The following LDLRAD2 variants were observed in gnomAD, a reference collection of about 807,000 sequenced individuals.
LDLRAD2 encodes low-density lipoprotein receptor class A domain-containing protein 2.
Under a neutral mutation model 24.9 loss-of-function variants are expected in LDLRAD2, and 25 were observed. That is an observed-to-expected ratio of 1.00 (90% confidence interval 0.73 to 1.40). The LOEUF (loss-of-function observed/expected upper bound fraction) is 1.40, where lower values mean the gene tolerates loss of function less well. LDLRAD2 is among the 40% of genes most tolerant of loss of function. The pLI is 0.00. For synonymous variants in LDLRAD2, 182 were observed against 166.7 expected (o/e 1.09, Z -0.71); for missense variants, 391 against 366.2 (o/e 1.07, Z -0.55).
intron 1 of LDLRAD2, among the ~76,000 whole-genome samples, chr1:21,813,093 A>C (rs2097940174): frequency 6.6e-6 from 1 of 152,156 alleles, no homozygotes; most frequent in Admixed American, 6.5e-5. Context: ...TCACGAGATC[A>C]AGACCATCCT....
Position 21,812,551 on chromosome 1 carries a change from G to T in LDLRAD2, c.85+15G>T. On this transcript the variant is annotated intron_variant, in intron 1 of 4. Transcript: ENST00000344642. ...TTTGGAGACAGGTAAGTATCAGGGG[G>T]CTTGGTTGGGGCACCCAGAAGACTT... The T allele has an allele frequency of 1.2e-6, 2 of 1,611,902 alleles. No individual in the cohort carries two copies. Among genetic ancestry groups the T allele is most frequent in the Non-Finnish European group, 1.7e-6 (2 of 1,178,188 alleles).
chr1:21,818,916 C>T (rs1305426046), intron 3 of LDLRAD2, among the ~76,000 whole-genome samples: 2 of 137,632 alleles, frequency 1.5e-5, no homozygotes, highest in African/African-American at 2.7e-5. Context: ...CCTGCCCCAC[C>T]CCCTCCCTGG....
Position 21,823,503 on chromosome 1 carries a change from G to A in LDLRAD2, c.*1288G>A. 1 of 1,606,630 alleles carries A rather than the reference G, an allele frequency of 6.2e-7. No individual in the cohort carries two copies. The highest frequency in any genetic ancestry group is 2.2e-5 in the East Asian group (1 of 44,784). On this transcript the variant is annotated 3_prime_UTR_variant, in exon 5 of 5. Transcript: ENST00000344642. ...AGGGGCTCCGCCTGCCGGGAGGTGA[G>A]AGGACAGGGCCTGTGGGCTCCAGCA...
chr1:21,821,202 T>G (rs540895901), intron 3 of LDLRAD2, among the ~76,000 whole-genome samples: 2 of 152,212 alleles, frequency 1.3e-5, no homozygotes, highest in East Asian at 3.9e-4. Flanking sequence ...GCCTCAATGC[T>G]CAGTACATGT....
At chr1:21,816,933 C>A (rs1283236257) in intron 3 of LDLRAD2, among the ~76,000 whole-genome samples, 1 of 152,158 alleles carries the variant, frequency 6.6e-6, no homozygotes, top group African/African-American at 2.4e-5. Flanking sequence ...CACATAACCT[C>A]CTCCCTGCTC....
chr1:21,818,571 C>T (rs2097946732), intron 3 of LDLRAD2, among the ~76,000 whole-genome samples: 1 of 152,152 alleles, frequency 6.6e-6, no homozygotes, highest in African/African-American at 2.4e-5. Context: ...TGGTGTTGGA[C>T]GGTGGTTGAC....
At chr1:21,816,335 A>T (rs1421440282) in intron 3 of LDLRAD2, among the ~76,000 whole-genome samples, 1 of 152,208 alleles carries the variant, frequency 6.6e-6, no homozygotes, top group Non-Finnish European at 1.5e-5. Flanking sequence ...GGCCCAAGAC[A>T]TTCAAAGGAG....
chr1:21,814,679 C>T lies in LDLRAD2; in HGVS notation c.367C>T (p.Pro123Ser). The T allele has an allele frequency of 1.3e-6, 2 of 1,579,048 alleles. No homozygotes were observed. The highest frequency in any genetic ancestry group is 1.7e-6 in the Non-Finnish European group (2 of 1,163,722). Residue 123 changes from proline to serine, a missense_variant, in exon 2 of 5, where the codon CCC becomes TCC. Transcript: ENST00000344642. ...LQFYEGPPGAPRPLGSPLCGL... is the reference protein window; with the variant it reads ...LQFYEGPPGASRPLGSPLCGL... Reference sequence around the variant, plus strand: ...GTTCTACGAGGGCCCGCCGGGGGCGCCCCGGCCCCTGGGGTCCCCACTGTG... The same window carrying T: ...GTTCTACGAGGGCCCGCCGGGGGCGTCCCGGCCCCTGGGGTCCCCACTGTG...
chr1:21,823,578 G>C lies in LDLRAD2; in HGVS notation c.*1363G>C. 2 of 1,609,296 alleles carry C rather than the reference G, an allele frequency of 1.2e-6. No homozygotes were observed. Among genetic ancestry groups the C allele is most frequent in the Non-Finnish European group, 1.7e-6 (2 of 1,176,132 alleles). ...CGAGCTCTAGCCCTAAGGGAGTGCC[G>C]TTCCTGCCCCTGCCCTGAGAAGGAG... is the stretch of plus-strand genomic sequence containing the variant. On this transcript the variant is annotated 3_prime_UTR_variant, in exon 5 of 5. Coordinates refer to ENST00000344642, the MANE Select transcript of LDLRAD2 (RefSeq NM_001013693.3).
rs2097967053 is a variant in LDLRAD2 at position 21,825,188 on chromosome 1, TAAAG to T, written c.*2976_*2979del. 3.6e-6 allele frequency: 1 copy of T among 277,412 alleles called. No individual in the cohort carries two copies. Among genetic ancestry groups the T allele is most frequent in the Non-Finnish European group, 7.0e-6 (1 of 142,110 alleles). The allele number at this position is 277,412 out of a possible 1,614,324, so 17.2% of individuals were successfully genotyped here. Reference sequence around the variant, plus strand: ...CAGATCTTGTTATTTGATGTGTTAATAAAGAAGCACATATATAGCAAGTCAGGAA... The same window carrying T: ...CAGATCTTGTTATTTGATGTGTTAATAAGCACATATATAGCAAGTCAGGAA... On this transcript the variant is annotated 3_prime_UTR_variant, in exon 5 of 5. Coordinates refer to ENST00000344642, the MANE Select transcript of LDLRAD2 (RefSeq NM_001013693.3).
intron 2 of LDLRAD2, 49 bp from the exon 3 acceptor site, chr1:21,815,894 C>T (rs6669817): frequency 1.6e-5 from 26 of 1,606,054 alleles, no homozygotes; most frequent in African/African-American, 1.2e-4. Context: ...CCTGCTGTGT[C>T]GTGGGCTGGA....
chr1:21,817,566 C>G (rs916523314), intron 3 of LDLRAD2, among the ~76,000 whole-genome samples: 8 of 152,086 alleles, frequency 5.3e-5, no homozygotes, highest in Non-Finnish European at 8.8e-5. Flanking sequence ...GTCTCGAACT[C>G]CTGGACTCAA....
intron 4 of LDLRAD2, chr1:21,821,943 G>C (rs2097952671): frequency 7.0e-7 from 1 of 1,421,534 alleles, no homozygotes; most frequent in Non-Finnish European, 9.2e-7. Context: ...CAGCCTTATA[G>C]GATCAGGGAG....
Position 21,824,335 on chromosome 1 carries a change from G to T in LDLRAD2, c.*2120G>T. On this transcript the variant is annotated 3_prime_UTR_variant, in exon 5 of 5. Coordinates refer to ENST00000344642, the MANE Select transcript of LDLRAD2 (RefSeq NM_001013693.3). The surrounding 1 kb of genome is among the most constrained non-coding windows in gnomAD (Gnocchi z 5.9). The stretch of plus-strand genomic sequence containing the variant: ...AGACAAGGTGCCCGTCTTGAAGCCC[G>T]AGGCTGATGAAGTCCTTGCCTTGGC... 6.2e-7 allele frequency: 1 copy of T among 1,613,922 alleles called. No individual in the cohort carries two copies. Among genetic ancestry groups the T allele is most frequent in the Non-Finnish European group, 8.5e-7 (1 of 1,180,020 alleles).
chr1:21,821,999 C>G, intron 4 of LDLRAD2: 1 of 1,433,758 alleles, frequency 7.0e-7, no homozygotes, highest in Non-Finnish European at 9.1e-7. Flanking sequence ...ATACTAGGCT[C>G]TGGGGTCAGA....
chr1:21,812,879 C>T (rs980787671), intron 1 of LDLRAD2, among the ~76,000 whole-genome samples: 1 of 152,226 alleles, frequency 6.6e-6, no homozygotes, highest in South Asian at 2.1e-4. Flanking sequence ...TGTTTCAACT[C>T]TCTGAATTTC....
At chr1:21,817,423 A>G (rs2097945031) in intron 3 of LDLRAD2, among the ~76,000 whole-genome samples, 1 of 152,008 alleles carries the variant, frequency 6.6e-6, no homozygotes, top group African/African-American at 2.4e-5. Flanking sequence ...GCTCACTGCA[A>G]CCTCTGCTTC....
At chr1:21,818,155 G>T (rs902782344) in intron 3 of LDLRAD2, among the ~76,000 whole-genome samples, 1 of 29,196 alleles carries the variant, frequency 3.4e-5, no homozygotes, top group African/African-American at 1.9e-4. Flanking sequence ...GGGATTACAG[G>T]TGCACACCAC....
Position 21,824,614 on chromosome 1 carries a change from G to C in LDLRAD2, c.*2399G>C. ...TCGATGGTCTCGGGCACCTCGGGCA[G>C]GCTGCGGAGGAAGAGCGGGTGAGGG... On this transcript the variant is annotated 3_prime_UTR_variant, in exon 5 of 5. Coordinates refer to ENST00000344642, the MANE Select transcript of LDLRAD2 (RefSeq NM_001013693.3). The surrounding 1 kb of genome is among the most constrained non-coding windows in gnomAD (Gnocchi z 5.9). 1 of 1,614,090 alleles carries C rather than the reference G, an allele frequency of 6.2e-7. No homozygotes were observed.
Sources: gnomAD v4.1 joint callset for allele counts (sites outside exome capture counted in the v4.1 genomes callset) on GRCh38, gnomAD v4.1.1 for gene constraint, Gnocchi (gnomAD v3.1) non-coding constraint, MANE v1.5 for transcripts, NCBI Gene and HGNC (gene_info 2026-07-23, HGNC 2026-07-21) for gene names.